EPC2: variants seen among roughly 807,000 people sequenced by gnomAD.
EPC2 encodes enhancer of polycomb 2.
Under a neutral mutation model 92.1 loss-of-function variants are expected in EPC2, and 14 were observed. That is an observed-to-expected ratio of 0.15 (90% confidence interval 0.10 to 0.24). EPC2 has a LOEUF of 0.24. EPC2 is among the 10% of genes least tolerant of loss of function. The pLI, the probability that EPC2 is intolerant of heterozygous loss-of-function variation, is 1.00. For missense variants in EPC2, 755 were observed against 971.5 expected (o/e 0.78, Z 2.96); for synonymous variants, 340 against 334.7 (o/e 1.02, Z -0.17).
At chr2:148,766,949 C>T (rs1434465585) in intron 7 of EPC2, among the ~76,000 whole-genome samples, 1 of 151,982 alleles carries the variant, frequency 6.6e-6, no homozygotes, top group Admixed American at 6.6e-5. Flanking sequence ...TTTGGGAAGC[C>T]GAAGCAGGTG....
At position 148,713,316 on chromosome 2, in the gene EPC2, A is replaced by G. The variant is rs567911028; in HGVS notation, c.313+22943A>G. On this transcript the variant is annotated intron_variant, in intron 2 of 13. Coordinates refer to ENST00000258484, the MANE Select transcript of EPC2 (RefSeq NM_015630.4). Reference sequence around the variant, plus strand: ...TCATGACCCAGTGTAGGCCTAGGCTAATGGGTGTGTTTATGTCTTAGTTTT... The same window carrying G: ...TCATGACCCAGTGTAGGCCTAGGCTGATGGGTGTGTTTATGTCTTAGTTTT... Among the ~76,000 whole-genome samples, 180 of 152,294 alleles carry G rather than the reference A, an allele frequency of 1.2e-3. 1 individual carries two copies. The highest frequency in any genetic ancestry group is 4.1e-3 in the African/African-American group (171 of 41,554).
intron 2 of EPC2, among the ~76,000 whole-genome samples, chr2:148,706,433 A>G (rs1205103126): frequency 6.6e-6 from 1 of 152,184 alleles, no homozygotes; most frequent in Non-Finnish European, 1.5e-5. Flanking sequence ...TCAGGATATT[A>G]TCCAGGAGAA....
chr2:148,644,973 G>A lies in EPC2; in HGVS notation c.-45G>A, dbSNP rs534020643. On this transcript the variant is annotated 5_prime_UTR_variant, in exon 1 of 14. Transcript: ENST00000258484. ...GGGAGTCCTCCCCCCCTCCCCGCCC[G>A]CCCCGCCGCCGCCGCCCGGGCTGTT... 7.0e-6 allele frequency: 8 copies of A among 1,149,600 alleles called. No homozygotes were observed. In the African/African-American group the frequency reaches 9.6e-5, roughly 14 times the overall value. 71.2% of individuals were successfully genotyped at this position (1,149,600 alleles called of 1,614,324 possible). A position where few individuals can be genotyped will look rare whatever the true frequency, so the allele number is the denominator to read the frequency against.
chr2:148,687,441 C>T (rs1681550334), intron 1 of EPC2, among the ~76,000 whole-genome samples: 1 of 152,182 alleles, frequency 6.6e-6, no homozygotes, highest in African/African-American at 2.4e-5. Context: ...GAAAATGTGG[C>T]TTTATAATAT....
chr2:148,726,840 C>T (rs985279516), intron 2 of EPC2, among the ~76,000 whole-genome samples: 1 of 145,114 alleles, frequency 6.9e-6, no homozygotes, highest in African/African-American at 2.5e-5. Flanking sequence ...ATTGTTTATC[C>T]ACTACATGGT....
chr2:148,665,421 T>C (rs1293168151), intron 1 of EPC2, among the ~76,000 whole-genome samples: 1 of 152,216 alleles, frequency 6.6e-6, no homozygotes, highest in African/African-American at 2.4e-5. Flanking sequence ...GCTACATTGA[T>C]GTTAGTGTCA....
chr2:148,668,451 C>T (rs897987992), intron 1 of EPC2, among the ~76,000 whole-genome samples: 1 of 152,030 alleles, frequency 6.6e-6, no homozygotes, highest in African/African-American at 2.4e-5. Context: ...ATACTGGCCT[C>T]GTGGAATGAG....
intron 1 of EPC2, among the ~76,000 whole-genome samples, chr2:148,647,940 A>AT (rs1003726719): frequency 4.6e-5 from 7 of 152,104 alleles, no homozygotes; most frequent in African/African-American, 1.2e-4. Context: ...GCGCCTTGCA[A>AT]TTTTTTTATT....
chr2:148,727,421 T>C (rs1434131650), intron 2 of EPC2, among the ~76,000 whole-genome samples: 1 of 152,198 alleles, frequency 6.6e-6, no homozygotes, highest in Non-Finnish European at 1.5e-5. Flanking sequence ...TCCATTCACT[T>C]CCTTACTAAC....
In EPC2 at chr2:148,725,790, G is replaced by T. The variant is rs1285020643; in HGVS notation, c.314-17832G>T. ...ATGACATGATTCAGTTTCACATGTGGTTTTTTTTATGCTTTATTGTGGTAA... is the reference window on the plus strand; with the variant it reads ...ATGACATGATTCAGTTTCACATGTGTTTTTTTTTATGCTTTATTGTGGTAA... On this transcript the variant is annotated intron_variant, in intron 2 of 13. Coordinates refer to ENST00000258484, the MANE Select transcript of EPC2 (RefSeq NM_015630.4). Among the ~76,000 whole-genome samples the T allele has an allele frequency of 6.6e-5, 10 of 151,660 alleles. No individual in the cohort carries two copies. The South Asian group carries it at 8.3e-4, about 13-fold the overall frequency.
chr2:148,674,258 T>C (rs1008990466), intron 1 of EPC2, among the ~76,000 whole-genome samples: 5 of 152,222 alleles, frequency 3.3e-5, no homozygotes. Flanking sequence ...CCCTCTTGTC[T>C]CTGTGTGTGG....
intron 2 of EPC2, among the ~76,000 whole-genome samples, chr2:148,696,123 G>A (rs1434056073): frequency 1.3e-5 from 2 of 152,232 alleles, no homozygotes; most frequent in African/African-American, 2.4e-5. Flanking sequence ...AATCCAGGAA[G>A]GAGGAGAAGC....
At chr2:148,742,348 G>C (rs145895770) in intron 2 of EPC2, among the ~76,000 whole-genome samples, 2 of 152,182 alleles carry the variant, frequency 1.3e-5, no homozygotes, top group African/African-American at 4.8e-5. Context: ...TTCTAGAGTA[G>C]CATATTATCA....
chr2:148,750,963 TG>T (rs1317885594), intron 3 of EPC2, among the ~76,000 whole-genome samples: 1 of 152,156 alleles, frequency 6.6e-6, no homozygotes, highest in East Asian at 1.9e-4. Flanking sequence ...TACTCTGCCC[TG>T]TATCTTATTA....
At chr2:148,764,117 A>G (rs1000181493) in intron 6 of EPC2, among the ~76,000 whole-genome samples, 2 of 152,222 alleles carry the variant, frequency 1.3e-5, no homozygotes, top group Non-Finnish European at 2.9e-5. Context: ...AAAATTTTAT[A>G]TCTCACTAAA....
At chr2:148,707,263 A>G (rs1343802093) in intron 2 of EPC2, among the ~76,000 whole-genome samples, 3 of 152,204 alleles carry the variant, frequency 2.0e-5, no homozygotes, top group Non-Finnish European at 4.4e-5. Flanking sequence ...GCCATTACAT[A>G]ATGGTAAAGG....
chr2:148,657,737 T>C (rs990642086), intron 1 of EPC2, among the ~76,000 whole-genome samples: 1 of 152,156 alleles, frequency 6.6e-6, no homozygotes, highest in Non-Finnish European at 1.5e-5. Flanking sequence ...TTCAGTAGAA[T>C]TGATTTGTCT....
chr2:148,683,798 T>C (rs1250663774), intron 1 of EPC2, among the ~76,000 whole-genome samples: 1 of 152,252 alleles, frequency 6.6e-6, no homozygotes, highest in East Asian at 1.9e-4. Flanking sequence ...GCTGGTTTCA[T>C]ATTTTTGCAA....
At chr2:148,651,060 A>G (rs569453521) in intron 1 of EPC2, among the ~76,000 whole-genome samples, 1 of 152,310 alleles carries the variant, frequency 6.6e-6, no homozygotes, top group South Asian at 2.1e-4. Flanking sequence ...GCATTAGAGA[A>G]AGTTAAATGT....
Sources: allele counts gnomAD v4.1 joint callset (sites outside exome capture counted in the v4.1 genomes callset), GRCh38; gene constraint gnomAD v4.1.1; transcripts MANE v1.5; gene names NCBI Gene and HGNC (gene_info 2026-07-23, HGNC 2026-07-21).